Variants in GPD2 observed in about 807,000 individuals in gnomAD.
GPD2 encodes glycerol-3-phosphate dehydrogenase, mitochondrial.
GPD2 carries 54 observed loss-of-function variants against 82.4 expected under a neutral mutation model. That is an observed-to-expected ratio of 0.66 (90% CI 0.53 to 0.82). GPD2 has a LOEUF of 0.82. GPD2 is among the 40% of genes least tolerant of loss of function. The probability of loss-of-function intolerance (pLI) is 0.00; values close to 1 mark genes in which losing one functional copy is unlikely to be tolerated. For missense variants in GPD2, 748 were observed against 896.2 expected (o/e 0.83, Z 2.11); for synonymous variants, 288 against 306.1 (o/e 0.94, Z 0.62).
the GPD2 span, among the ~76,000 whole-genome samples, chr2:156,401,124 G>A: frequency 6.6e-6 from 1 of 152,130 alleles, no homozygotes. Flanking sequence ...GATACCCACA[G>A]AAAAAAACTA....
At chr2:156,581,652 G>A (rs866687178) in intron 16 of GPD2, among the ~76,000 whole-genome samples, 2 of 151,800 alleles carry the variant, frequency 1.3e-5, no homozygotes, top group South Asian at 2.1e-4. Context: ...ATATAGATAC[G>A]GTTTTTCATT....
At chr2:156,430,530 AG>A (rs1396924619), upstream of GPD2, among the ~76,000 whole-genome samples, 1 of 152,212 alleles carries the variant, frequency 6.6e-6, no homozygotes, top group Non-Finnish European at 1.5e-5. Context: ...AGAACTTACA[AG>A]AGATGACTTG....
chr2:156,538,252 G>A (rs946106786), intron 6 of GPD2, among the ~76,000 whole-genome samples: 2 of 152,152 alleles, frequency 1.3e-5, no homozygotes, highest in Non-Finnish European at 2.9e-5. Flanking sequence ...TCGGGCTCTG[G>A]TAAATTGATT....
chr2:156,458,499 G>C (rs1448172088), intron 1 of GPD2, among the ~76,000 whole-genome samples: 7 of 152,220 alleles, frequency 4.6e-5, no homozygotes, highest in Admixed American at 1.3e-4. Context: ...TGTGTCCCAT[G>C]CTCAAGGCAA....
chr2:156,449,061 C>T (rs1047028183), intron 1 of GPD2, among the ~76,000 whole-genome samples: 1 of 152,214 alleles, frequency 6.6e-6, no homozygotes, highest in African/African-American at 2.4e-5. Context: ...ACCCTGTCTT[C>T]TTCTTACAAA....
At chr2:156,476,058 T>A in intron 1 of GPD2, 40 bp from the exon 2 acceptor site, 1 of 981,514 alleles carries the variant, frequency 1.0e-6, no homozygotes, top group South Asian at 1.3e-5. Flanking sequence ...GCGATAACTA[T>A]CCCAATTAAC....
intron 6 of GPD2, among the ~76,000 whole-genome samples, chr2:156,518,893 A>C (rs1325548256): frequency 6.6e-6 from 1 of 152,216 alleles, no homozygotes; most frequent in South Asian, 2.1e-4. Flanking sequence ...ATTAATAGCA[A>C]GTCCTTTAAG....
the GPD2 span, among the ~76,000 whole-genome samples, chr2:156,413,101 T>C: frequency 2.7e-5 from 4 of 150,044 alleles, no homozygotes; most frequent in East Asian, 6.1e-4. Flanking sequence ...TGTCTGAGGG[T>C]GGGTGGAGTT....
In GPD2 at chr2:156,583,975, A is replaced by G. The variant is rs1249039602; in HGVS notation, c.*1057A>G. ...GATGGAATAGACTTTAGTTAACTTT[A>G]ATTATAATTATATGTTAAATAAGGC... On this transcript the variant is annotated 3_prime_UTR_variant, in exon 17 of 17. Coordinates refer to ENST00000438166, the MANE Select transcript of GPD2 (RefSeq NM_000408.5). 6.6e-6 allele frequency: 1 copy of G among 152,050 alleles called. No individual in the cohort carries two copies. Among genetic ancestry groups the G allele is most frequent in the East Asian group, 1.9e-4 (1 of 5,182 alleles). 9.4% of individuals were successfully genotyped at this position (152,050 alleles called of 1,614,324 possible). A position where few individuals can be genotyped will look rare whatever the true frequency, so the allele number is the denominator to read the frequency against.
At chr2:156,519,280 A>G (rs1209348510) in intron 6 of GPD2, among the ~76,000 whole-genome samples, 3 of 152,150 alleles carry the variant, frequency 2.0e-5, no homozygotes, top group Non-Finnish European at 4.4e-5. Context: ...TATTTTCAAG[A>G]TAGATGTGTT....
chr2:156,579,007 TATA>T lies in GPD2; in HGVS notation c.1880+11_1880+13del. The T allele has an allele frequency of 1.3e-6, 2 of 1,570,886 alleles. No homozygotes were observed. Among genetic ancestry groups the T allele is most frequent in the Non-Finnish European group, 1.8e-6 (2 of 1,141,086 alleles). ...CTGCCTTCAGACATTGACAGGTACTTATAATAAGTGTCTATCTATCTCTCTTTT... is the reference window on the plus strand; with the variant it reads ...CTGCCTTCAGACATTGACAGGTACTTATAAGTGTCTATCTATCTCTCTTTT... On this transcript the variant is annotated splice_region_variant and intron_variant, in intron 14 of 16. Coordinates refer to ENST00000438166, the MANE Select transcript of GPD2 (RefSeq NM_000408.5).
At chr2:156,573,981 A>T (rs1490520839) in intron 13 of GPD2, among the ~76,000 whole-genome samples, 2 of 152,236 alleles carry the variant, frequency 1.3e-5, no homozygotes, top group East Asian at 3.8e-4. Flanking sequence ...ATTGCACCAA[A>T]TATTTTAGGA....
intron 2 of GPD2, among the ~76,000 whole-genome samples, chr2:156,483,292 T>C (rs1034246537): frequency 3.3e-5 from 5 of 152,190 alleles, no homozygotes; most frequent in African/African-American, 1.2e-4. Flanking sequence ...GTAGCGTGTG[T>C]AGGTTATAAA....
chr2:156,452,623 G>A (rs190292450), intron 1 of GPD2, among the ~76,000 whole-genome samples: 4 of 152,210 alleles, frequency 2.6e-5, no homozygotes, highest in East Asian at 1.9e-4. Flanking sequence ...AAGCAGAGAC[G>A]TGGAAAAGTT....
Position 156,569,401 on chromosome 2 carries a change from A to G in GPD2, c.1339A>G (p.Thr447Ala), listed in dbSNP as rs1386918853. The G allele has an allele frequency of 1.2e-6, 2 of 1,610,750 alleles. No individual in the cohort carries two copies. Among genetic ancestry groups the G allele is most frequent in the African/African-American group, 2.7e-5 (2 of 74,804 alleles). Residue 447 changes from threonine to alanine, a missense_variant, in exon 11 of 17, where the codon ACC (threonine) becomes GCC (alanine). By Grantham distance (58) the Thr-to-Ala change is moderately conservative. Around this residue, in one of 3 missense-constraint regions of GPD2, gnomAD observed 692 missense variants for 809.7 expected, o/e 0.85. Coordinates refer to ENST00000438166, the MANE Select transcript of GPD2 (RefSeq NM_000408.5). The stretch of plus-strand genomic sequence containing the variant: ...AACTTATCGGTCTATGGCAGAAGAT[A>G]CCATAAATGCTGCTGTCAAAACTCA... ...WTTYRSMAED[T>A]INAAVKTHNL...
chr2:156,511,054 T>G, intron 4 of GPD2, 134 bp downstream of exon 4: 2 of 817,446 alleles, frequency 2.4e-6, no homozygotes, highest in East Asian at 2.5e-5. Context: ...TGTATTCTGC[T>G]GGAATATCTT....
intron 3 of GPD2, among the ~76,000 whole-genome samples, chr2:156,509,238 T>C (rs892035884): frequency 6.6e-6 from 1 of 152,186 alleles, no homozygotes; most frequent in Admixed American, 6.5e-5. Flanking sequence ...TGAATCAAAG[T>C]TCTCTACTTT....
chr2:156,559,177 C>T (rs186342094), intron 9 of GPD2, among the ~76,000 whole-genome samples: 7 of 152,132 alleles, frequency 4.6e-5, no homozygotes, highest in Non-Finnish European at 7.4e-5. Flanking sequence ...TTGGTCATAT[C>T]GTTTGTATAT....
At chr2:156,487,898 C>T (rs1404471313) in intron 2 of GPD2, among the ~76,000 whole-genome samples, 1 of 152,168 alleles carries the variant, frequency 6.6e-6, no homozygotes, top group Non-Finnish European at 1.5e-5. Flanking sequence ...TCAGACAGAG[C>T]CAAGGGGTTT....
Sources: allele counts gnomAD v4.1 joint callset (sites outside exome capture counted in the v4.1 genomes callset), GRCh38; gene constraint gnomAD v4.1.1; regional missense constraint gnomAD v4.1.1; transcripts MANE v1.5; gene names NCBI Gene and HGNC (gene_info 2026-07-23, HGNC 2026-07-21).